GRID2: variants seen among roughly 807,000 people sequenced by gnomAD.
GRID2 encodes glutamate receptor ionotropic, delta-2.
A neutral mutation model predicts 114.8 loss-of-function variants in GRID2; 33 were observed. That is an observed-to-expected ratio of 0.29 (90% CI 0.22 to 0.38). The LOEUF (loss-of-function observed/expected upper bound fraction) is 0.38, where lower values mean the gene tolerates loss of function less well. GRID2 is among the 10% of genes least tolerant of loss of function. The pLI, the probability that GRID2 is intolerant of heterozygous loss-of-function variation, is 1.00. For missense variants in GRID2, 1,184 were observed against 1,257.7 expected, an observed-to-expected ratio of 0.94 and a Z score of 0.89; for synonymous variants, 505 against 449.9, an observed-to-expected ratio of 1.12 and a Z score of -1.55.
At chr4:93,377,373 T>C (rs968632836) in intron 8 of GRID2, among the ~76,000 whole-genome samples, 2 of 152,218 alleles carry the variant, frequency 1.3e-5, no homozygotes, top group African/African-American at 4.8e-5. Context: ...GATGAGTCAA[T>C]CAGGCTGCCT....
intron 2 of GRID2, among the ~76,000 whole-genome samples, chr4:92,744,860 G>C (rs1185547164): frequency 6.6e-6 from 1 of 152,062 alleles, no homozygotes; most frequent in Non-Finnish European, 1.5e-5. Context: ...ACTGGATTAT[G>C]AATTCTTTAA....
chr4:92,536,018 T>A (rs747385973), intron 1 of GRID2, among the ~76,000 whole-genome samples: 1 of 152,148 alleles, frequency 6.6e-6, no homozygotes, highest in Non-Finnish European at 1.5e-5. Flanking sequence ...CATAAAGGCG[T>A]TGCAGACCCA....
intron 1 of GRID2, among the ~76,000 whole-genome samples, chr4:92,547,724 C>A (rs1408275408): frequency 6.6e-6 from 1 of 151,704 alleles, no homozygotes; most frequent in Non-Finnish European, 1.5e-5. Context: ...GCACACACAA[C>A]TTGCAGCTTC....
At chr4:93,207,355 G>A (rs1184092291) in intron 4 of GRID2, 49 bp from the exon 5 acceptor site, 3 of 1,264,362 alleles carry the variant, frequency 2.4e-6, no homozygotes, top group Non-Finnish European at 3.5e-6. Context: ...AGTTGGGTTT[G>A]TTTTGCATGA....
intron 14 of GRID2, among the ~76,000 whole-genome samples, chr4:93,728,236 A>G (rs911964096): frequency 2.4e-4 from 37 of 152,108 alleles, no homozygotes; most frequent in African/African-American, 7.9e-4. Flanking sequence ...CCTTCGTTTC[A>G]TTATGTACCC....
intron 2 of GRID2, among the ~76,000 whole-genome samples, chr4:92,945,636 G>A (rs1022710486): frequency 1.3e-5 from 2 of 152,166 alleles, no homozygotes; most frequent in Non-Finnish European, 2.9e-5. Context: ...TTAATCAACA[G>A]CACTAAGGTT....
Position 93,685,101 on chromosome 4 carries a change from G to T in GRID2, c.2360+58666G>T, listed in dbSNP as rs151113515. On this transcript the variant is annotated intron_variant, in intron 14 of 15. Transcript: ENST00000282020. Reference sequence around the variant, plus strand: ...GATAAAAAGGAAAAAAAGGCAAAATGCCTCTCCTGGCTTATGACTATAAGG... The same window carrying T: ...GATAAAAAGGAAAAAAAGGCAAAATTCCTCTCCTGGCTTATGACTATAAGG... 7.3e-3 allele frequency among the ~76,000 whole-genome samples: 1,113 copies of T among 152,042 alleles called. 11 individuals are homozygous for T. The highest frequency in any genetic ancestry group is 0.014 in the Middle Eastern group (4 of 294).
intron 9 of GRID2, among the ~76,000 whole-genome samples, chr4:93,419,569 A>G (rs1181498295): frequency 6.6e-6 from 1 of 152,058 alleles, no homozygotes; most frequent in Non-Finnish European, 1.5e-5. Flanking sequence ...AGCTTTAAAA[A>G]CATTGATCCA....
chr4:92,975,130 C>T (rs950925375), intron 2 of GRID2, among the ~76,000 whole-genome samples: 2 of 107,042 alleles, frequency 1.9e-5, no homozygotes, highest in East Asian at 2.7e-4. Flanking sequence ...GCACTCCAGC[C>T]TGGGCGACAG....
intron 10 of GRID2, among the ~76,000 whole-genome samples, chr4:93,446,186 A>G (rs1028168793): frequency 4.6e-5 from 7 of 152,004 alleles, no homozygotes; most frequent in Admixed American, 4.6e-4. Flanking sequence ...CTCACTCTTC[A>G]GCGAGCAAAT....
At chr4:92,867,775 C>G (rs930483365) in intron 2 of GRID2, among the ~76,000 whole-genome samples, 1 of 152,050 alleles carries the variant, frequency 6.6e-6, no homozygotes, top group Admixed American at 6.6e-5. Flanking sequence ...CTATATGAAA[C>G]CAGTTAGATA....
intron 1 of GRID2, among the ~76,000 whole-genome samples, chr4:92,315,752 C>T (rs1276623362): frequency 2.0e-5 from 3 of 152,018 alleles, no homozygotes; most frequent in African/African-American, 7.2e-5. Context: ...GGGTGGATCA[C>T]CTGAGGTCAG....
At chr4:92,990,283 G>GTATATA (rs768992597) in intron 2 of GRID2, among the ~76,000 whole-genome samples, 4 of 49,124 alleles carry the variant, frequency 8.1e-5, no homozygotes, top group South Asian at 1.7e-3. Flanking sequence ...GTAGATATGT[G>GTATATA]TGTGTATATA....
chr4:93,601,563 G>A (rs550460819), intron 13 of GRID2, among the ~76,000 whole-genome samples: 14 of 152,288 alleles, frequency 9.2e-5, no homozygotes, highest in African/African-American at 3.4e-4. Context: ...GTTCAGCCAT[G>A]AAAAAGATTA....
chr4:93,441,881 C>G (rs1241455106), intron 10 of GRID2, among the ~76,000 whole-genome samples: 1 of 151,838 alleles, frequency 6.6e-6, no homozygotes, highest in Non-Finnish European at 1.5e-5. Context: ...AATCCGGAGA[C>G]CTAACAAGGC....
intron 2 of GRID2, among the ~76,000 whole-genome samples, chr4:92,802,894 T>C (rs1740242975): frequency 6.6e-6 from 1 of 151,960 alleles, no homozygotes. Flanking sequence ...CTAGGAATGG[T>C]ATCACTGCTG....
At chr4:92,597,926 T>C (rs1213237460) in intron 2 of GRID2, among the ~76,000 whole-genome samples, 1 of 152,200 alleles carries the variant, frequency 6.6e-6, no homozygotes, top group East Asian at 1.9e-4. Flanking sequence ...GAATTTTCAA[T>C]CTGTTATCAC....
rs531952621 is a variant in GRID2, at chr4:93,218,852, C to T, written c.963+1941C>T. ...AAGGGGAAGCAAACATGTCCTTCCT[C>T]ACATCGCAGCAGGTAAGACAAGTGC... On this transcript the variant is annotated intron_variant, in intron 6 of 15. Coordinates refer to ENST00000282020, the MANE Select transcript of GRID2 (RefSeq NM_001510.4). Among the ~76,000 whole-genome samples the T allele has an allele frequency of 5.9e-5, 9 of 152,236 alleles. No individual in the cohort carries two copies. The East Asian group carries it at 1.7e-3, about 29-fold the overall frequency.
chr4:93,634,659 A>T (rs994051283), intron 14 of GRID2, among the ~76,000 whole-genome samples: 2 of 152,114 alleles, frequency 1.3e-5, no homozygotes, highest in South Asian at 4.1e-4. Context: ...TGAGAAGAGA[A>T]ATATCTGTAC....
Sources: gnomAD v4.1 joint callset for allele counts (sites outside exome capture counted in the v4.1 genomes callset) on GRCh38, gnomAD v4.1.1 for gene constraint, MANE v1.5 for transcripts, NCBI Gene and HGNC (gene_info 2026-07-23, HGNC 2026-07-21) for gene names.